ZNF503: variants seen among roughly 807,000 people sequenced by gnomAD.
ZNF503 encodes zinc finger protein 503.
ZNF503 carries 15 observed loss-of-function variants against 34.4 expected under a neutral mutation model. The ratio of observed to expected loss-of-function variants is 0.44; its 90% confidence interval spans 0.29 to 0.67. ZNF503 has a LOEUF of 0.67. Among genes scored for constraint, ZNF503 ranks in the 30% least tolerant of loss-of-function variants. ZNF503 has a pLI of 0.13. For missense variants in ZNF503, 1,007 were observed against 926.8 expected, an observed-to-expected ratio of 1.09 and a Z score of -1.12; for synonymous variants, 580 against 456.8, an observed-to-expected ratio of 1.27 and a Z score of -3.44.
the ZNF503 span, among the ~76,000 whole-genome samples, chr10:75,295,123 C>A: frequency 2.0e-5 from 3 of 151,856 alleles, no homozygotes; most frequent in Admixed American, 6.5e-5. The surrounding 1 kb of genome is among the most constrained non-coding windows in gnomAD (Gnocchi z 4.0). Context: ...AGGGGACGCG[C>A]GGGAGGCGGG....
the ZNF503 span, among the ~76,000 whole-genome samples, chr10:75,359,615 A>G: frequency 6.6e-6 from 1 of 152,156 alleles, no homozygotes; most frequent in African/African-American, 2.4e-5. Flanking sequence ...TCTTCACTAA[A>G]TCTATGTGGT....
the ZNF503 span, among the ~76,000 whole-genome samples, chr10:75,362,812 G>T: frequency 7.2e-5 from 11 of 152,090 alleles, no homozygotes; most frequent in Non-Finnish European, 1.5e-4. Context: ...GTGCGAGGGT[G>T]GGGGAACCAC....
At chr10:75,355,047 G>A in the ZNF503 span, among the ~76,000 whole-genome samples, 1 of 152,014 alleles carries the variant, frequency 6.6e-6, no homozygotes, top group South Asian at 2.1e-4. Flanking sequence ...GTTCCGCCAT[G>A]TTGGTCAGGT....
the ZNF503 span, among the ~76,000 whole-genome samples, chr10:75,336,887 C>T: frequency 2.0e-5 from 3 of 152,180 alleles, no homozygotes; most frequent in Admixed American, 2.0e-4. Flanking sequence ...CAGAGAATTC[C>T]CATGCATTGA....
At chr10:75,361,854 C>T in the ZNF503 span, among the ~76,000 whole-genome samples, 7 of 152,068 alleles carry the variant, frequency 4.6e-5, 1 homozygote, top group South Asian at 1.5e-3. Flanking sequence ...TGTGCCTGGG[C>T]GTGGGAAGGA....
chr10:75,291,968 T>C, the ZNF503 span, among the ~76,000 whole-genome samples: 1 of 152,210 alleles, frequency 6.6e-6, no homozygotes, highest in Non-Finnish European at 1.5e-5. Flanking sequence ...ACCCAGTACC[T>C]GTTCCTGTCT....
the ZNF503 span, among the ~76,000 whole-genome samples, chr10:75,386,145 C>T: frequency 1.2e-4 from 18 of 152,220 alleles, no homozygotes; most frequent in African/African-American, 4.3e-4. Flanking sequence ...CACAGCCTCT[C>T]TTGCAGCTGG....
At chr10:75,372,120 C>T in the ZNF503 span, among the ~76,000 whole-genome samples, 2 of 152,130 alleles carry the variant, frequency 1.3e-5, no homozygotes, top group South Asian at 2.1e-4. Context: ...TTAGTAGAGA[C>T]AGGGTTTCAC....
chr10:75,384,008 C>A, the ZNF503 span, among the ~76,000 whole-genome samples: 304 of 152,284 alleles, frequency 2.0e-3, 1 homozygote, highest in Non-Finnish European at 3.6e-3. Flanking sequence ...ATTAGGAGAC[C>A]TCAGAGGCTC....
the ZNF503 span, among the ~76,000 whole-genome samples, chr10:75,321,970 C>T: frequency 3.9e-5 from 6 of 152,106 alleles, no homozygotes; most frequent in Non-Finnish European, 7.3e-5. Flanking sequence ...TCTTAATATA[C>T]ATTCTCTTAG....
downstream of ZNF503, among the ~76,000 whole-genome samples, chr10:75,395,230 A>G (rs1209225936): frequency 6.6e-6 from 1 of 152,220 alleles, no homozygotes; most frequent in East Asian, 1.9e-4. The surrounding 1 kb of genome is among the most constrained non-coding windows in gnomAD (Gnocchi z 4.4). Flanking sequence ...AGGGACAGAC[A>G]CGTGGGCCAA....
At chr10:75,303,831 CTT>C in the ZNF503 span, among the ~76,000 whole-genome samples, 40 of 124,446 alleles carry the variant, frequency 3.2e-4, no homozygotes, top group Admixed American at 4.2e-4. Context: ...GTGGCTAAAT[CTT>C]TTTTTTTTTT....
chr10:75,289,716 G>C, the ZNF503 span, among the ~76,000 whole-genome samples: 1 of 152,020 alleles, frequency 6.6e-6, no homozygotes, highest in Non-Finnish European at 1.5e-5. Flanking sequence ...CTCCCAAGTA[G>C]CTGGGACTGC....
At chr10:75,289,045 G>A in the ZNF503 span, among the ~76,000 whole-genome samples, 4 of 152,146 alleles carry the variant, frequency 2.6e-5, no homozygotes, top group Admixed American at 2.6e-4. Context: ...CTGCCTCAGG[G>A]CTATGGAAAG....
the ZNF503 span, among the ~76,000 whole-genome samples, chr10:75,307,699 ACTCT>A: frequency 1.3e-5 from 2 of 152,114 alleles, no homozygotes; most frequent in Non-Finnish European, 2.9e-5. Flanking sequence ...AGGCAGGCTG[ACTCT>A]CTCATTAGGG....
chr10:75,286,868 G>A, the ZNF503 span, among the ~76,000 whole-genome samples: 4 of 152,184 alleles, frequency 2.6e-5, no homozygotes, highest in Non-Finnish European at 4.4e-5. Context: ...CATCCTCATA[G>A]TTGTGTGTGA....
the ZNF503 span, among the ~76,000 whole-genome samples, chr10:75,322,822 A>G: frequency 6.6e-6 from 1 of 152,224 alleles, no homozygotes; most frequent in Non-Finnish European, 1.5e-5. Context: ...CCTGGGCAGC[A>G]GAGTGAGACC....
chr10:75,344,782 A>G, the ZNF503 span, among the ~76,000 whole-genome samples: 2 of 152,244 alleles, frequency 1.3e-5, no homozygotes, highest in South Asian at 4.1e-4. Context: ...TGCCAGCGTC[A>G]TTGCAGAGAT....
the ZNF503 span, among the ~76,000 whole-genome samples, chr10:75,309,100 G>A: frequency 5.3e-5 from 8 of 152,186 alleles, no homozygotes; most frequent in South Asian, 4.1e-4. Flanking sequence ...TGCCTCAGCC[G>A]CTCAGTGTTG....
Sources: gnomAD v4.1 joint callset for allele counts (sites outside exome capture counted in the v4.1 genomes callset) on GRCh38, gnomAD v4.1.1 for gene constraint, Gnocchi (gnomAD v3.1) non-coding constraint, MANE v1.5 for transcripts, NCBI Gene and HGNC (gene_info 2026-07-23, HGNC 2026-07-21) for gene names.